CCDC88C: variants seen among roughly 807,000 people sequenced by gnomAD.
CCDC88C encodes coiled-coil and HOOK domain protein 88C.
Under a neutral mutation model 198.8 loss-of-function variants are expected in CCDC88C, and 131 were observed. That is an observed-to-expected ratio of 0.66 (90% CI 0.57 to 0.76). The LOEUF (loss-of-function observed/expected upper bound fraction) is 0.76, where lower values mean the gene tolerates loss of function less well. Among genes scored for constraint, CCDC88C ranks in the 30% least tolerant of loss-of-function variants. CCDC88C has a pLI of 0.00. For synonymous variants in CCDC88C, 1,166 were observed against 1,114.7 expected (o/e 1.05, Z -0.92); for missense variants, 2,553 against 2,631.6 (o/e 0.97, Z 0.65).
chr14:91,294,184 C>T lies in CCDC88C; in HGVS notation c.4101G>A (p.Gln1367=), dbSNP rs755956324. The T allele has an allele frequency of 3.1e-6, 5 of 1,614,000 alleles. No individual in the cohort carries two copies. The Admixed American group carries it at 6.7e-5, about 22-fold the overall frequency. ...GACTCCCTGCTTACATGTACTGCTT[C>T]TGCTCCTCATGGTACTGCTCCTTGT... ...MENKEQYHEE[Q]KQYIDKLNAL... Residue 1367 remains glutamine, a synonymous_variant, in exon 23 of 30, where the codon CAG becomes CAA. Transcript: ENST00000389857.
chr14:91,312,322 A>T (rs1222756706), intron 15 of CCDC88C, among the ~76,000 whole-genome samples: 3 of 152,214 alleles, frequency 2.0e-5, no homozygotes, highest in Admixed American at 2.0e-4. Flanking sequence ...CAGGAGGTGG[A>T]GCCTGCAGTG....
rs749001478 is a variant in CCDC88C at position 91,307,246 on chromosome 14, C to T, written c.3007-20G>A. 1.2e-6 allele frequency: 2 copies of T among 1,610,440 alleles called. No individual in the cohort carries two copies. On this transcript the variant is annotated intron_variant, in intron 17 of 29. Coordinates refer to ENST00000389857, the MANE Select transcript of CCDC88C (RefSeq NM_001080414.4). Reference sequence around the variant, plus strand: ...CTTTAGCTACAGGTGTGACAATAAGCAAGGAGGCTTTAGGCGGAAGCAGCC... The same window carrying T: ...CTTTAGCTACAGGTGTGACAATAAGTAAGGAGGCTTTAGGCGGAAGCAGCC...
intron 10 of CCDC88C, among the ~76,000 whole-genome samples, chr14:91,327,211 G>T (rs772416601): frequency 4.6e-5 from 7 of 152,206 alleles, no homozygotes; most frequent in Admixed American, 2.0e-4. Flanking sequence ...ATCACACTGG[G>T]AACCAGGCTG....
Position 91,272,604 on chromosome 14 carries a change from G to T in CCDC88C, c.*21C>A, listed in dbSNP as rs374748269. The T allele has an allele frequency of 1.9e-6, 3 of 1,587,732 alleles. No homozygotes were observed. Among genetic ancestry groups the T allele is most frequent in the Non-Finnish European group, 2.6e-6 (3 of 1,168,296 alleles). ...AGGCGCGTCAGTAGTTTTCAGGTTT[G>T]CGAGCTCAACCACGAGACAGTCACA... On this transcript the variant is annotated 3_prime_UTR_variant, in exon 30 of 30. Coordinates refer to ENST00000389857, the MANE Select transcript of CCDC88C (RefSeq NM_001080414.4).
intron 4 of CCDC88C, among the ~76,000 whole-genome samples, chr14:91,349,045 A>T (rs1243946976): frequency 6.6e-6 from 1 of 152,208 alleles, no homozygotes; most frequent in Non-Finnish European, 1.5e-5. Context: ...CCATAAATCT[A>T]CCAGATTGTG....
At chr14:91,367,337 G>C (rs151023465) in intron 3 of CCDC88C, among the ~76,000 whole-genome samples, 2 of 152,326 alleles carry the variant, frequency 1.3e-5, no homozygotes, top group East Asian at 3.9e-4. Context: ...ACAGCAAAGA[G>C]AGCCTTCCAC....
At chr14:91,293,378 C>CA (rs1890788401) in intron 23 of CCDC88C, among the ~76,000 whole-genome samples, 14 of 97,916 alleles carry the variant, frequency 1.4e-4, no homozygotes, top group Non-Finnish European at 1.9e-4. Flanking sequence ...ACCTTCCTGC[C>CA]CCCTCGCCTG....
At chr14:91,401,775 T>C (rs1187830599) in intron 3 of CCDC88C, among the ~76,000 whole-genome samples, 4 of 152,224 alleles carry the variant, frequency 2.6e-5, no homozygotes, top group African/African-American at 7.2e-5. Context: ...GCAAATTCTG[T>C]ACAACGTATT....
At chr14:91,368,117 C>T (rs764608342) in intron 3 of CCDC88C, among the ~76,000 whole-genome samples, 25 of 152,222 alleles carry the variant, frequency 1.6e-4, no homozygotes, top group Non-Finnish European at 3.4e-4. Context: ...ATATTGAGTA[C>T]ACAGTTTTTA....
intron 2 of CCDC88C, among the ~76,000 whole-genome samples, chr14:91,411,596 G>A (rs1441445577): frequency 2.6e-5 from 4 of 152,158 alleles, no homozygotes; most frequent in African/African-American, 7.2e-5. Context: ...GTCGGAACTT[G>A]GAGAGTTCCA....
chr14:91,401,878 T>G (rs1357433833), intron 3 of CCDC88C, among the ~76,000 whole-genome samples: 1 of 152,132 alleles, frequency 6.6e-6, no homozygotes, highest in Non-Finnish European at 1.5e-5. Flanking sequence ...ATCAAAGCAG[T>G]TAAGTGGACT....
intron 15 of CCDC88C, among the ~76,000 whole-genome samples, chr14:91,310,297 T>C (rs1447543122): frequency 1.3e-5 from 2 of 152,158 alleles, no homozygotes; most frequent in African/African-American, 2.4e-5. Context: ...GTTTGATTTC[T>C]GATAATATGG....
intron 19 of CCDC88C, among the ~76,000 whole-genome samples, chr14:91,305,198 AAAAC>A (rs904659289): frequency 1.8e-4 from 28 of 152,328 alleles, no homozygotes; most frequent in African/African-American, 2.9e-4. Context: ...ACTCCATCTC[AAAAC>A]AAACAAACAA....
At chr14:91,333,765 G>A (rs1311358286) in intron 10 of CCDC88C, among the ~76,000 whole-genome samples, 1 of 152,182 alleles carries the variant, frequency 6.6e-6, no homozygotes, top group Non-Finnish European at 1.5e-5. Flanking sequence ...GTCTAGGGTG[G>A]GGCCCAGGAA....
At chr14:91,410,896 G>A (rs1276258989) in intron 2 of CCDC88C, among the ~76,000 whole-genome samples, 1 of 152,172 alleles carries the variant, frequency 6.6e-6, no homozygotes, top group Non-Finnish European at 1.5e-5. Context: ...GAAAGCCTCA[G>A]TATACATCGT....
intron 13 of CCDC88C, among the ~76,000 whole-genome samples, chr14:91,320,406 G>A (rs1317902163): frequency 6.6e-5 from 10 of 152,266 alleles, no homozygotes; most frequent in East Asian, 1.9e-4. Flanking sequence ...AGGGGCACCC[G>A]CAGAGGACAG....
intron 12 of CCDC88C, among the ~76,000 whole-genome samples, chr14:91,322,230 A>AG (rs909872253): frequency 2.0e-5 from 3 of 152,154 alleles, no homozygotes; most frequent in Admixed American, 6.5e-5. Flanking sequence ...CTGTGGGTAC[A>AG]GGGGGGTGAT....
intron 3 of CCDC88C, among the ~76,000 whole-genome samples, chr14:91,365,542 C>T (rs922970327): frequency 5.3e-5 from 8 of 152,232 alleles, no homozygotes; most frequent in African/African-American, 1.9e-4. Context: ...GGTGCATCCA[C>T]TCAACCACGT....
Position 91,303,861 on chromosome 14 carries a change from G to T in CCDC88C, c.3475C>A (p.Gln1159Lys). The change falls in exon 20 of 30, where the codon CAA becomes AAA. Residue 1159 changes from glutamine to lysine, a missense_variant. Transcript: ENST00000389857. ...AGGGCCTCGTAGGCCGCTGTAAGTT[G>T]CTCCTGCTGCCTCTGCAGGCTTTCG... ...ENESLQRQQE[Q>K]LTAAYEALLQ... The T allele has an allele frequency of 6.2e-7, 1 of 1,613,254 alleles. No homozygotes were observed.
Sources: allele counts gnomAD v4.1 joint callset (sites outside exome capture counted in the v4.1 genomes callset), GRCh38; gene constraint gnomAD v4.1.1; transcripts MANE v1.5; gene names NCBI Gene and HGNC (gene_info 2026-07-23, HGNC 2026-07-21).